ADGRG7: variants seen among roughly 807,000 people sequenced by gnomAD.
ADGRG7 encodes the protein G-protein coupled receptor 128.
A neutral mutation model predicts 88.6 loss-of-function variants in ADGRG7; 82 were observed. The observed-to-expected ratio is 0.93, with a 90% CI of 0.77 to 1.11. The LOEUF (loss-of-function observed/expected upper bound fraction) is 1.11, where lower values mean the gene tolerates loss of function less well. ADGRG7 is among the 50% of genes most tolerant of loss of function. The pLI is 0.00. For missense variants in ADGRG7, 945 were observed against 953.4 expected, an observed-to-expected ratio of 0.99 and a Z score of 0.12; for synonymous variants, 381 against 345.2, an observed-to-expected ratio of 1.10 and a Z score of -1.15.
At chr3:100,610,320 C>CAAGG (rs1313806933) in intron 1 of ADGRG7, among the ~76,000 whole-genome samples, 1 of 152,130 alleles carries the variant, frequency 6.6e-6, no homozygotes, top group Non-Finnish European at 1.5e-5. Flanking sequence ...TCGTTATGAA[C>CAAGG]AAGGACACAC....
chr3:100,669,984 GC>G (rs2094956433), intron 15 of ADGRG7, among the ~76,000 whole-genome samples: 1 of 152,074 alleles, frequency 6.6e-6, no homozygotes, highest in South Asian at 2.1e-4. Flanking sequence ...GTTGCAGTGA[GC>G]TGAGATCACA....
chr3:100,662,990 C>T (rs1576330545), intron 14 of ADGRG7, among the ~76,000 whole-genome samples: 1 of 152,014 alleles, frequency 6.6e-6, no homozygotes, highest in Non-Finnish European at 1.5e-5. Flanking sequence ...TAAATCTCCC[C>T]ATAGAACAGA....
intron 11 of ADGRG7, among the ~76,000 whole-genome samples, chr3:100,653,807 A>G (rs1284351293): frequency 6.7e-6 from 1 of 150,008 alleles, no homozygotes; most frequent in Non-Finnish European, 1.5e-5. Flanking sequence ...TTTTTTTTTC[A>G]GCGAGGTGGC....
chr3:100,634,830 C>A (rs1266224145), intron 4 of ADGRG7, among the ~76,000 whole-genome samples: 2 of 152,188 alleles, frequency 1.3e-5, no homozygotes, highest in Non-Finnish European at 2.9e-5. Context: ...GTGATAACAC[C>A]TGTAAACATC....
At chr3:100,684,936 T>A (rs2094979674) in intron 15 of ADGRG7, among the ~76,000 whole-genome samples, 2 of 152,090 alleles carry the variant, frequency 1.3e-5, no homozygotes, top group Non-Finnish European at 2.9e-5. Context: ...TTAAAATTTA[T>A]CATGTTGTGG....
At chr3:100,674,813 G>A (rs935669201) in intron 15 of ADGRG7, among the ~76,000 whole-genome samples, 2 of 152,184 alleles carry the variant, frequency 1.3e-5, no homozygotes, top group Admixed American at 6.5e-5. Context: ...TCCTGACCTC[G>A]TGATCCACCC....
intron 8 of ADGRG7, among the ~76,000 whole-genome samples, 188 bp downstream of exon 8, chr3:100,643,821 C>A (rs915230518): frequency 1.3e-5 from 2 of 152,148 alleles, no homozygotes; most frequent in East Asian, 1.9e-4. Flanking sequence ...AAGATAATTT[C>A]TTTGTTTTTT....
chr3:100,630,344 A>G (rs1389898593), intron 2 of ADGRG7, among the ~76,000 whole-genome samples: 1 of 152,146 alleles, frequency 6.6e-6, no homozygotes, highest in Non-Finnish European at 1.5e-5. Context: ...CACAGATCCC[A>G]TGAATTTGCC....
intron 6 of ADGRG7, among the ~76,000 whole-genome samples, chr3:100,642,261 G>A (rs1183613968): frequency 2.0e-5 from 3 of 152,194 alleles, no homozygotes; most frequent in South Asian, 2.1e-4. Flanking sequence ...TGGGAGTTTT[G>A]TTAGGTATTC....
In ADGRG7 at chr3:100,645,873, AT is replaced by A. The variant is rs567916378; in HGVS notation, c.947-71del. ...TATTAAGCAGCCATGCACTTCTACA[AT>A]AACGTGACATATTGTTTTTTGTTTA... On this transcript the variant is annotated intron_variant, in intron 8 of 15. Coordinates refer to ENST00000273352, the MANE Select transcript of ADGRG7 (RefSeq NM_032787.3). The A allele has an allele frequency of 1.2e-4, 169 of 1,373,090 alleles. No individual in the cohort carries two copies. The African/African-American group carries it at 2.2e-3, about 18-fold the overall frequency. 85.1% of individuals were successfully genotyped at this position (1,373,090 alleles called of 1,614,324 possible).
chr3:100,656,066 G>A (rs908173973), intron 13 of ADGRG7, 71 bp downstream of exon 13: 4 of 834,118 alleles, frequency 4.8e-6, no homozygotes, highest in African/African-American at 3.3e-5. Flanking sequence ...TATTGACTCC[G>A]AGTGTCACTG....
intron 1 of ADGRG7, among the ~76,000 whole-genome samples, chr3:100,620,751 A>T (rs564972579): frequency 2.2e-4 from 33 of 152,312 alleles, no homozygotes; most frequent in Admixed American, 5.9e-4. Context: ...AATCGTATAC[A>T]TCAAAAAGCA....
chr3:100,611,513 G>A lies in ADGRG7; in HGVS notation c.115+1542G>A, dbSNP rs575645674. 5.3e-5 allele frequency among the ~76,000 whole-genome samples: 8 copies of A among 152,174 alleles called. No homozygotes were observed. The South Asian group carries it at 1.5e-3, about 28-fold the overall frequency. On this transcript the variant is annotated intron_variant, in intron 1 of 15. Transcript: ENST00000273352. ...AGAAAACCTGAAAGTTCAAGGCTTG[G>A]GGGGAGTTGCTGAAAATAAATACAA...
At chr3:100,684,141 AT>A (rs1384648960) in intron 15 of ADGRG7, among the ~76,000 whole-genome samples, 2 of 151,920 alleles carry the variant, frequency 1.3e-5, no homozygotes, top group Non-Finnish European at 2.9e-5. Flanking sequence ...TAATTTATTT[AT>A]GCTAATTCTT....
chr3:100,662,441 A>G (rs1394722604), intron 14 of ADGRG7, among the ~76,000 whole-genome samples: 2 of 152,200 alleles, frequency 1.3e-5, no homozygotes, highest in African/African-American at 2.4e-5. Flanking sequence ...TTAGAAGTCA[A>G]TTAAACAAAA....
chr3:100,690,580 T>C lies in ADGRG7; in HGVS notation c.2137-4164T>C, dbSNP rs569743829. ...GTCCTTTCTGTTTGATAGTTTTCCT[T>C]CTAACAGTCAGGACCCTCAGCTGCA... On this transcript the variant is annotated intron_variant, in intron 15 of 15. Coordinates refer to ENST00000273352, the MANE Select transcript of ADGRG7 (RefSeq NM_032787.3). Among the ~76,000 whole-genome samples the C allele has an allele frequency of 8.5e-5, 13 of 152,288 alleles. No homozygotes were observed. In the East Asian group the frequency reaches 2.5e-3, roughly 29 times the overall value.
chr3:100,637,530 A>G, intron 6 of ADGRG7, 128 bp downstream of exon 6: 1 of 668,658 alleles, frequency 1.5e-6, no homozygotes. Flanking sequence ...TCTGGAATGT[A>G]GATAAGAGCT....
intron 10 of ADGRG7, 38 bp from the exon 11 acceptor site, chr3:100,649,657 T>C (rs2094926132): frequency 4.5e-6 from 5 of 1,103,858 alleles, no homozygotes; most frequent in Non-Finnish European, 5.5e-6. Context: ...ACTTCAGGGA[T>C]GACTAATTAA....
chr3:100,695,298 T>C lies in ADGRG7; in HGVS notation c.*297T>C, dbSNP rs1308904143. The C allele has an allele frequency of 1.1e-5, 3 of 281,874 alleles. No individual in the cohort carries two copies. Among genetic ancestry groups the C allele is most frequent in the Non-Finnish European group, 1.3e-5 (2 of 151,378 alleles). The allele number at this position is 281,874 out of a possible 1,614,324, so 17.5% of individuals were successfully genotyped here. On this transcript the variant is annotated 3_prime_UTR_variant, in exon 16 of 16. Coordinates refer to ENST00000273352, the MANE Select transcript of ADGRG7 (RefSeq NM_032787.3). ...CACTTTGACAAAAATGTAGAACCTA[T>C]AACAAATTCTTTTACAAGTTACTAT... is the stretch of plus-strand genomic sequence containing the variant.
Sources: gnomAD v4.1 joint callset for allele counts (sites outside exome capture counted in the v4.1 genomes callset) on GRCh38, gnomAD v4.1.1 for gene constraint, MANE v1.5 for transcripts, NCBI Gene and HGNC (gene_info 2026-07-23, HGNC 2026-07-21) for gene names.